UTP6: variants seen among roughly 807,000 people sequenced by gnomAD.
UTP6 encodes U3 small nucleolar RNA-associated protein 6 homolog.
UTP6 carries 60 observed loss-of-function variants against 96.5 expected under a neutral mutation model. The ratio of observed to expected loss-of-function variants is 0.62; its 90% CI spans 0.51 to 0.77. The LOEUF is 0.77. Among genes scored for constraint, UTP6 ranks in the 30% least tolerant of loss-of-function variants. The probability of loss-of-function intolerance (pLI) is 0.00; values close to 1 mark genes in which losing one functional copy is unlikely to be tolerated. For synonymous variants in UTP6, 215 were observed against 240.1 expected, an observed-to-expected ratio of 0.90 and a Z score of 0.96; for missense variants, 637 against 706.5, an observed-to-expected ratio of 0.90 and a Z score of 1.12.
At chr17:31,865,506 T>C (rs1177132853) in intron 17 of UTP6, 68 bp from the exon 18 acceptor site, 9 of 1,472,156 alleles carry the variant, frequency 6.1e-6, no homozygotes, top group Non-Finnish European at 8.5e-6. Flanking sequence ...TCCAACCATA[T>C]TGTTAAGCAG....
chr17:31,880,021 G>C (rs967315888), intron 11 of UTP6, among the ~76,000 whole-genome samples: 1 of 151,822 alleles, frequency 6.6e-6, no homozygotes, highest in Non-Finnish European at 1.5e-5. Context: ...CAGGACAATC[G>C]CTTGAACCTG....
chr17:31,878,133 C>G, intron 13 of UTP6, 117 bp downstream of exon 13: 1 of 951,704 alleles, frequency 1.1e-6, no homozygotes, highest in African/African-American at 1.7e-5. Context: ...CTTCACATAC[C>G]GAACTCCCAA....
At chr17:31,868,930 G>A (rs1040200971) in intron 16 of UTP6, among the ~76,000 whole-genome samples, 3 of 152,072 alleles carry the variant, frequency 2.0e-5, no homozygotes, top group South Asian at 4.1e-4. Flanking sequence ...GACCAACGTG[G>A]TGAAACCCTG....
intron 8 of UTP6, 57 bp from the exon 9 acceptor site, chr17:31,886,118 A>T (rs1290716486): frequency 6.7e-7 from 1 of 1,491,250 alleles, no homozygotes. Context: ...GAAAAGCACT[A>T]GGACGAAAAT....
At chr17:31,867,217 T>C (rs917501237) in intron 17 of UTP6, among the ~76,000 whole-genome samples, 2 of 152,140 alleles carry the variant, frequency 1.3e-5, no homozygotes, top group African/African-American at 4.8e-5. Context: ...TAAGAACAGA[T>C]ACTTGGCCTG....
intron 6 of UTP6, among the ~76,000 whole-genome samples, chr17:31,889,741 G>A (rs539371718): frequency 3.3e-5 from 5 of 151,782 alleles, no homozygotes; most frequent in South Asian, 2.1e-4. Context: ...CTCGTGATCC[G>A]CCCGCCTCGG....
rs1909571174 is a variant in UTP6, at chr17:31,861,863, T to G, written c.*1496A>C. The stretch of plus-strand genomic sequence containing the variant: ...GGAGCAAACCAGCAATACATATCAG[T>G]ATTCTCTAAAAGCAGTATCCTTTGA... On this transcript the variant is annotated 3_prime_UTR_variant, in exon 19 of 19. Coordinates refer to ENST00000261708, the MANE Select transcript of UTP6 (RefSeq NM_018428.3). The G allele has an allele frequency of 6.6e-6, 1 of 152,214 alleles. No individual in the cohort carries two copies. Among genetic ancestry groups the G allele is most frequent in the Non-Finnish European group, 1.5e-5 (1 of 68,048 alleles). 9.4% of individuals were successfully genotyped at this position (152,214 alleles called of 1,614,324 possible).
chr17:31,878,188 G>A, intron 13 of UTP6, 62 bp downstream of exon 13: 1 of 1,540,408 alleles, frequency 6.5e-7, no homozygotes, highest in Non-Finnish European at 9.0e-7. Flanking sequence ...CATGACTCTG[G>A]CACAAAACAA....
intron 6 of UTP6, 135 bp downstream of exon 6, chr17:31,892,125 A>T: frequency 2.3e-6 from 2 of 856,642 alleles, no homozygotes; most frequent in South Asian, 1.6e-5. Context: ...CTATTCAGTA[A>T]GAAAAACTGC....
chr17:31,892,360 A>T, intron 5 of UTP6, 37 bp from the exon 6 acceptor site: 1 of 1,583,934 alleles, frequency 6.3e-7, no homozygotes, highest in East Asian at 2.2e-5. Context: ...TCCTGCACAG[A>T]TAAATCATTG....
intron 12 of UTP6, 106 bp downstream of exon 12, chr17:31,878,596 A>G (rs1910636326): frequency 5.2e-6 from 6 of 1,144,684 alleles, no homozygotes; most frequent in East Asian, 2.3e-5. Flanking sequence ...GTGGCTAAAC[A>G]TAAAAGTTCT....
chr17:31,873,916 G>A (rs1910340441), intron 14 of UTP6, 163 bp from the exon 15 acceptor site: 1 of 675,792 alleles, frequency 1.5e-6, no homozygotes, highest in Admixed American at 3.5e-5. Flanking sequence ...TTCCTCCTAA[G>A]ATAATCAACA....
intron 6 of UTP6, among the ~76,000 whole-genome samples, chr17:31,891,747 G>A (rs1335361796): frequency 6.6e-6 from 1 of 152,222 alleles, no homozygotes; most frequent in Non-Finnish European, 1.5e-5. Context: ...GTCTGGCCGG[G>A]AGTGGTGGCT....
At chr17:31,891,238 G>A (rs965857136) in intron 6 of UTP6, among the ~76,000 whole-genome samples, 7 of 152,054 alleles carry the variant, frequency 4.6e-5, no homozygotes, top group African/African-American at 1.7e-4. Context: ...TCCTAAAATT[G>A]AGCATGACCT....
intron 2 of UTP6, among the ~76,000 whole-genome samples, chr17:31,896,371 C>T (rs1386393822): frequency 3.3e-5 from 5 of 152,160 alleles, no homozygotes; most frequent in Non-Finnish European, 1.5e-5. Context: ...AGCTACCGCG[C>T]TCGGCCCCTA....
chr17:31,872,775 C>T (rs558301688), intron 16 of UTP6, among the ~76,000 whole-genome samples: 90 of 152,206 alleles, frequency 5.9e-4, no homozygotes, highest in African/African-American at 2.1e-3. Context: ...CCAAGACAAG[C>T]AAATCACTTG....
rs1910438762 is a variant in UTP6, at chr17:31,875,365, C to A, written c.1174G>T (p.Ala392Ser). 6.2e-7 allele frequency: 1 copy of A among 1,614,056 alleles called. No homozygotes were observed. Among genetic ancestry groups the A allele is most frequent in the African/African-American group, 1.3e-5 (1 of 74,926 alleles). The change falls in exon 14 of 19, where the codon GCA becomes TCA. Residue 392 changes from alanine to serine, a missense_variant. Ala to Ser is a moderately conservative substitution (Grantham distance 99). Transcript: ENST00000261708. Reference protein sequence around the residue: ...YNFLREALEVAVAGTELFRDS... With the variant: ...YNFLREALEVSVAGTELFRDS... ...CTAAACAATTCAGTTCCAGCTACTGCCACTTCCAGAGCTTCCCTCAGGAAG... is the reference window on the plus strand; with the variant it reads ...CTAAACAATTCAGTTCCAGCTACTGACACTTCCAGAGCTTCCCTCAGGAAG...
At chr17:31,900,794 CA>C (rs1417067588) in intron 1 of UTP6, among the ~76,000 whole-genome samples, 1 of 152,104 alleles carries the variant, frequency 6.6e-6, no homozygotes, top group Non-Finnish European at 1.5e-5. Context: ...GAACATATGA[CA>C]AATATATATT....
chr17:31,893,099 C>T (rs577472556), intron 4 of UTP6, among the ~76,000 whole-genome samples: 7 of 151,978 alleles, frequency 4.6e-5, no homozygotes, highest in African/African-American at 1.2e-4. Flanking sequence ...GGTGAAACCC[C>T]GTCTCTACTA....
Sources: gnomAD v4.1 joint callset for allele counts (sites outside exome capture counted in the v4.1 genomes callset) on GRCh38, gnomAD v4.1.1 for gene constraint, MANE v1.5 for transcripts, NCBI Gene and HGNC (gene_info 2026-07-23, HGNC 2026-07-21) for gene names.